FNDC1: variants seen among roughly 807,000 people sequenced by gnomAD.
FNDC1 encodes fibronectin type III domain containing 1, also known as fibronectin type III domain-containing protein 1.
A neutral mutation model predicts 168.0 loss-of-function variants in FNDC1; 96 were observed. The ratio of observed to expected loss-of-function variants is 0.57; its 90% confidence interval spans 0.48 to 0.68. The LOEUF is 0.68. FNDC1 is among the 30% of genes least tolerant of loss of function. The pLI is 0.00. For synonymous variants in FNDC1, 1,099 were observed against 1,025.9 expected (o/e 1.07, Z -1.36); for missense variants, 2,587 against 2,482.1 (o/e 1.04, Z -0.90).
At position 159,228,585 on chromosome 6, in the gene FNDC1, T is replaced by G. The variant is rs1484339169; in HGVS notation, c.1181-1230T>G. 2.0e-5 allele frequency among the ~76,000 whole-genome samples: 3 copies of G among 152,180 alleles called. No individual in the cohort carries two copies. In the East Asian group the frequency reaches 5.8e-4, roughly 29 times the overall value. On this transcript the variant is annotated intron_variant, in intron 9 of 22. Coordinates refer to ENST00000297267, the MANE Select transcript of FNDC1 (RefSeq NM_032532.3). The stretch of plus-strand genomic sequence containing the variant: ...AAATATACTTTTTAAAGATTGGAGC[T>G]AAGGGAAAAGAAAAGATCATCCATG...
In FNDC1 at chr6:159,215,152, G is replaced by A; in HGVS notation, c.667+1G>A. 1 of 1,612,888 alleles carries A rather than the reference G, an allele frequency of 6.2e-7. No homozygotes were observed. Among genetic ancestry groups the A allele is most frequent in the Non-Finnish European group, 8.5e-7 (1 of 1,178,890 alleles). ...CGGACACACGAAATTAAAAAGCTAG[G>A]TGAGTTTCATATTCATTGGTATTCA... is the stretch of plus-strand genomic sequence containing the variant. On this transcript the variant is annotated splice_donor_variant, in intron 5 of 22. Coordinates refer to ENST00000297267, the MANE Select transcript of FNDC1 (RefSeq NM_032532.3). LOFTEE classifies it high-confidence loss of function.
chr6:159,260,147 T>A (rs1777454424), intron 18 of FNDC1, among the ~76,000 whole-genome samples: 1 of 152,260 alleles, frequency 6.6e-6, no homozygotes, highest in African/African-American at 2.4e-5. Flanking sequence ...AGGTCCCTTA[T>A]GAGCTCTCTA....
At chr6:159,264,922 T>A in intron 19 of FNDC1, 53 bp from the exon 20 acceptor site, 1 of 1,490,324 alleles carries the variant, frequency 6.7e-7, no homozygotes, top group Non-Finnish European at 9.2e-7. Flanking sequence ...TTTAAAGAAT[T>A]GCATGATTGT....
chr6:159,174,166 C>A (rs904192904), intron 1 of FNDC1, among the ~76,000 whole-genome samples: 1 of 152,234 alleles, frequency 6.6e-6, no homozygotes, highest in Non-Finnish European at 1.5e-5. Flanking sequence ...CTGCACAGAA[C>A]GTTTCTGTTA....
At position 159,226,720 on chromosome 6, in the gene FNDC1, A is replaced by C. The variant is rs376524730; in HGVS notation, c.1180+140A>C. On this transcript the variant is annotated intron_variant, in intron 9 of 22. Coordinates refer to ENST00000297267, the MANE Select transcript of FNDC1 (RefSeq NM_032532.3). ...CTCACCCAAGGGACGAGGATATTTCATGCAAGATTTTCATTGCCCAAGATC... is the reference window on the plus strand; with the variant it reads ...CTCACCCAAGGGACGAGGATATTTCCTGCAAGATTTTCATTGCCCAAGATC... 216 of 589,998 alleles carry C rather than the reference A, an allele frequency of 3.7e-4. 4 individuals carry two copies. In the African/African-American group the frequency reaches 3.8e-3, roughly 10 times the overall value. 36.5% of individuals were successfully genotyped at this position (589,998 alleles called of 1,614,324 possible).
intron 5 of FNDC1, among the ~76,000 whole-genome samples, chr6:159,219,529 C>T (rs1461792641): frequency 6.6e-6 from 1 of 152,130 alleles, no homozygotes; most frequent in African/African-American, 2.4e-5. Flanking sequence ...TCTGGGTGGG[C>T]CCGCTTCCTT....
chr6:159,170,161 T>C (rs916052508), intron 1 of FNDC1, among the ~76,000 whole-genome samples: 1 of 152,090 alleles, frequency 6.6e-6, no homozygotes, highest in Non-Finnish European at 1.5e-5. Context: ...AGGGCTGTTC[T>C]AGAAGGTCGT....
At chr6:159,190,395 C>T (rs1481062707) in intron 1 of FNDC1, among the ~76,000 whole-genome samples, 2 of 152,214 alleles carry the variant, frequency 1.3e-5, no homozygotes. Context: ...GGATTAGAAG[C>T]CCCAGGCATG....
chr6:159,231,458 G>T (rs922428928), intron 10 of FNDC1, among the ~76,000 whole-genome samples: 3 of 152,132 alleles, frequency 2.0e-5, no homozygotes, highest in African/African-American at 4.8e-5. Flanking sequence ...TCAGCAATTT[G>T]CACCAGGTGT....
Position 159,271,933 on chromosome 6 carries a change from T to G in FNDC1, c.*491T>G, listed in dbSNP as rs775984933. ...TTATTAAAAACACCACCAAAGAAAA[T>G]AAATATATCCTACTTGAAATTTACT... On this transcript the variant is annotated 3_prime_UTR_variant, in exon 23 of 23. Coordinates refer to ENST00000297267, the MANE Select transcript of FNDC1 (RefSeq NM_032532.3). The G allele has an allele frequency of 1.9e-5, 3 of 154,152 alleles. No individual in the cohort carries two copies. Among genetic ancestry groups the G allele is most frequent in the African/African-American group, 7.2e-5 (3 of 41,554 alleles). The allele number at this position is 154,152 out of a possible 1,614,324, so 9.5% of individuals were successfully genotyped here. A position where few individuals can be genotyped will look rare whatever the true frequency, so the allele number is the denominator to read the frequency against.
Position 159,200,526 on chromosome 6 carries a change from C to A in FNDC1, c.405C>A (p.Ile135=). The A allele has an allele frequency of 6.3e-7, 1 of 1,599,246 alleles. No individual in the cohort carries two copies. The highest frequency in any genetic ancestry group is 8.5e-7 in the Non-Finnish European group (1 of 1,172,162). ...RAESPPGGEW[I]EIDGFPIKGP... is the part of the protein sequence containing the mutation. ...TCCCTAATTTAGGAGGTGAATGGAT[C>A]GAGATTGATGGTTTTCCCATTAAGG... The change falls in exon 4 of 23, where the codon ATC becomes ATA. Residue 135 remains isoleucine (I), a synonymous_variant. Coordinates refer to ENST00000297267, the MANE Select transcript of FNDC1 (RefSeq NM_032532.3).
chr6:159,225,922 G>A (rs891250595), intron 8 of FNDC1, among the ~76,000 whole-genome samples, 200 bp downstream of exon 8: 7 of 152,202 alleles, frequency 4.6e-5, no homozygotes, highest in Non-Finnish European at 8.8e-5. Flanking sequence ...ATGTTTTACC[G>A]TTTGTTGGCC....
At chr6:159,215,291 C>T in intron 5 of FNDC1, 140 bp downstream of exon 5, 1 of 817,980 alleles carries the variant, frequency 1.2e-6, no homozygotes, top group East Asian at 2.7e-5. Context: ...TGAATCTCTA[C>T]TGTTTCTTCC....
chr6:159,176,408 G>A (rs928563948), intron 1 of FNDC1, among the ~76,000 whole-genome samples: 40 of 152,232 alleles, frequency 2.6e-4, no homozygotes, highest in African/African-American at 8.2e-4. Context: ...CAGGTGATAC[G>A]TGCTAGGACA....
Position 159,229,985 on chromosome 6 carries a change from A to C in FNDC1, c.1351A>C (p.Ile451Leu). 1 of 1,613,360 alleles carries C rather than the reference A, an allele frequency of 6.2e-7. No individual in the cohort carries two copies. Among genetic ancestry groups the C allele is most frequent in the Middle Eastern group, 1.7e-4 (1 of 6,036 alleles). ...CCTGGGACCTCACTCCAAAGCCTTC[A>C]TTGTCGCTATGCCAACAAGTAAGCA... is the stretch of plus-strand genomic sequence containing the variant. ...RGLGPHSKAF[I>L]VAMPTTSKAD... Residue 451 changes from isoleucine (I) to leucine (L), a missense_variant, in exon 10 of 23, where the codon ATT (isoleucine) becomes CTT (leucine). Ile to Leu is a conservative substitution (Grantham distance 5). Coordinates refer to ENST00000297267, the MANE Select transcript of FNDC1 (RefSeq NM_032532.3).
chr6:159,219,256 G>A (rs1244520423), intron 5 of FNDC1, among the ~76,000 whole-genome samples: 2 of 152,146 alleles, frequency 1.3e-5, no homozygotes, highest in African/African-American at 4.8e-5. Context: ...GGCAAGGCTG[G>A]CCTCGAACTC....
intron 22 of FNDC1, among the ~76,000 whole-genome samples, chr6:159,270,819 T>A (rs1025654841): frequency 1.3e-5 from 2 of 152,198 alleles, no homozygotes; most frequent in African/African-American, 4.8e-5. Context: ...GGGGCAGGAA[T>A]CTGGCTCAAT....
At chr6:159,178,584 A>G (rs896260655) in intron 1 of FNDC1, among the ~76,000 whole-genome samples, 1 of 152,216 alleles carries the variant, frequency 6.6e-6, no homozygotes, top group East Asian at 1.9e-4. Flanking sequence ...CATCCACCCC[A>G]GACACAAATC....
intron 1 of FNDC1, among the ~76,000 whole-genome samples, chr6:159,188,084 A>G (rs772508977): frequency 2.0e-5 from 3 of 152,238 alleles, no homozygotes; most frequent in Non-Finnish European, 4.4e-5. Context: ...AATGGAAAGT[A>G]AAACTTGAAC....
Sources: allele counts gnomAD v4.1 joint callset (sites outside exome capture counted in the v4.1 genomes callset), GRCh38; gene constraint gnomAD v4.1.1; transcripts MANE v1.5; gene names NCBI Gene and HGNC (gene_info 2026-07-23, HGNC 2026-07-21).